NTM: variants seen among roughly 807,000 people sequenced by gnomAD.
The protein encoded by NTM is neurotrimin, also known as IgLON family member 2.
Under a neutral mutation model 42.1 loss-of-function variants are expected in NTM, and 13 were observed. That is an observed-to-expected ratio of 0.31 (90% CI 0.20 to 0.49). The LOEUF is 0.49. Ranked by LOEUF, NTM falls within the 20% of genes least tolerant of loss-of-function variation. The pLI is 0.99. For synonymous variants in NTM, 187 were observed against 179.2 expected, an observed-to-expected ratio of 1.04 and a Z score of -0.35; for missense variants, 373 against 452.8, an observed-to-expected ratio of 0.82 and a Z score of 1.60.
At chr11:132,107,613 C>A (rs899363239) in intron 2 of NTM, among the ~76,000 whole-genome samples, 1 of 151,872 alleles carries the variant, frequency 6.6e-6, no homozygotes, top group Admixed American at 6.6e-5. Context: ...CAAGTGATCC[C>A]CCTGCCTTGG....
intron 1 of NTM, among the ~76,000 whole-genome samples, chr11:131,533,111 C>T (rs1365663155): frequency 6.6e-6 from 1 of 152,058 alleles, no homozygotes; most frequent in Non-Finnish European, 1.5e-5. Flanking sequence ...TGTTCTTGTT[C>T]TTATACATTT....
At chr11:131,804,704 G>C (rs1272809407) in intron 1 of NTM, among the ~76,000 whole-genome samples, 1 of 152,124 alleles carries the variant, frequency 6.6e-6, no homozygotes, top group African/African-American at 2.4e-5. Flanking sequence ...CGCATACTAT[G>C]TCTCTATTGC....
intron 1 of NTM, among the ~76,000 whole-genome samples, chr11:131,412,535 C>T (rs185096485): frequency 4.6e-5 from 7 of 152,140 alleles, no homozygotes; most frequent in African/African-American, 1.4e-4. Flanking sequence ...AACTGTCCTC[C>T]TCTCTCCTCC....
At position 131,680,887 on chromosome 11, in the gene NTM, G is replaced by A. The variant is rs151291984; in HGVS notation, c.83-230677G>A. On this transcript the variant is annotated intron_variant, in intron 1 of 8. Coordinates refer to ENST00000683400, the MANE Select transcript of NTM (RefSeq NM_001352005.2). Reference sequence around the variant, plus strand: ...CGTGTGTGTTTCTGTGTCTGTGTGTGTGTCTCCCTGTGTGTGTGAGCATGT... The same window carrying A: ...CGTGTGTGTTTCTGTGTCTGTGTGTATGTCTCCCTGTGTGTGTGAGCATGT... Among the ~76,000 whole-genome samples, 85 of 10,776 alleles carry A rather than the reference G, an allele frequency of 7.9e-3. 4 individuals carry two copies. Among genetic ancestry groups the A allele is most frequent in the African/African-American group, 0.041 (79 of 1,932 alleles). 7.1% of individuals were successfully genotyped at this position (10,776 alleles called of 152,430 possible).
At chr11:131,868,969 G>T (rs764035042) in intron 1 of NTM, among the ~76,000 whole-genome samples, 9 of 152,112 alleles carry the variant, frequency 5.9e-5, no homozygotes, top group Non-Finnish European at 1.3e-4. Context: ...GTGGGCAAAT[G>T]AATACAAGTA....
At chr11:132,282,131 T>C (rs2093992916) in intron 4 of NTM, among the ~76,000 whole-genome samples, 1 of 152,210 alleles carries the variant, frequency 6.6e-6, no homozygotes, top group South Asian at 2.1e-4. Context: ...TATTGACATC[T>C]GCTGAAGTCA....
intron 1 of NTM, among the ~76,000 whole-genome samples, chr11:131,613,604 G>A (rs1048441797): frequency 5.9e-5 from 9 of 152,136 alleles, no homozygotes; most frequent in African/African-American, 9.7e-5. Flanking sequence ...ATTTTAAAAT[G>A]TGACTAATTC....
intron 1 of NTM, among the ~76,000 whole-genome samples, chr11:131,711,736 G>C (rs977037867): frequency 6.6e-6 from 1 of 151,830 alleles, no homozygotes; most frequent in Non-Finnish European, 1.5e-5. Context: ...CAACCCAAAT[G>C]TCCAACAATG....
chr11:132,100,336 G>A (rs1347875773), intron 2 of NTM, among the ~76,000 whole-genome samples: 1 of 152,122 alleles, frequency 6.6e-6, no homozygotes, highest in African/African-American at 2.4e-5. Flanking sequence ...CCCAGATCAG[G>A]GATTGATTTG....
chr11:131,840,719 G>T (rs1452468331), intron 1 of NTM, among the ~76,000 whole-genome samples: 1 of 152,214 alleles, frequency 6.6e-6, no homozygotes, highest in African/African-American at 2.4e-5. Context: ...CCCCAGAAGA[G>T]GATGTGAAAC....
intron 1 of NTM, among the ~76,000 whole-genome samples, chr11:131,676,099 C>G (rs936900818): frequency 6.6e-6 from 1 of 152,156 alleles, no homozygotes; most frequent in East Asian, 1.9e-4. Flanking sequence ...GAGACTTGAA[C>G]CTGAACCCTT....
chr11:131,875,809 C>T (rs1485585408), intron 1 of NTM, among the ~76,000 whole-genome samples: 1 of 152,146 alleles, frequency 6.6e-6, no homozygotes, highest in African/African-American at 2.4e-5. Flanking sequence ...CTCTTTCCCA[C>T]TCATGTCTTT....
chr11:131,991,811 A>G (rs553461454), intron 2 of NTM, among the ~76,000 whole-genome samples: 103 of 152,344 alleles, frequency 6.8e-4, no homozygotes, highest in Non-Finnish European at 1.3e-3. Flanking sequence ...GCAGGCAAGA[A>G]ACAGCAGGTC....
At chr11:132,034,347 C>T (rs1329688775) in intron 2 of NTM, among the ~76,000 whole-genome samples, 1 of 152,194 alleles carries the variant, frequency 6.6e-6, no homozygotes, top group Non-Finnish European at 1.5e-5. Context: ...GATTGCCTCA[C>T]CACGATTTGC....
intron 2 of NTM, among the ~76,000 whole-genome samples, chr11:131,954,496 G>A (rs923158735): frequency 2.0e-4 from 31 of 152,162 alleles, no homozygotes; most frequent in African/African-American, 7.2e-4. Context: ...GTTCCTCAGG[G>A]CTCCCGATGA....
chr11:131,756,888 T>C (rs1228410843), intron 1 of NTM, among the ~76,000 whole-genome samples: 2 of 152,212 alleles, frequency 1.3e-5, no homozygotes, highest in South Asian at 2.1e-4. Flanking sequence ...TTGTCTGCTA[T>C]GCAGTTGACC....
chr11:132,315,110 A>G, intron 7 of NTM: 1 of 991,530 alleles, frequency 1.0e-6, no homozygotes, highest in Non-Finnish European at 1.2e-6. Flanking sequence ...GATGGCTCCT[A>G]AGCTGACTGT....
intron 1 of NTM, among the ~76,000 whole-genome samples, chr11:131,407,108 TCCCAGAGCCAGACCAA>T (rs1945886082): frequency 1.1e-4 from 16 of 152,310 alleles, no homozygotes; most frequent in African/African-American, 3.6e-4. Flanking sequence ...ATTTTCTTGG[TCCCAGAGCCAGACCAA>T]CTAACTCCAC....
intron 4 of NTM, among the ~76,000 whole-genome samples, chr11:132,229,481 A>G (rs532955104): frequency 3.0e-4 from 46 of 152,338 alleles, no homozygotes; most frequent in African/African-American, 1.0e-3. Flanking sequence ...TTTGGCTAGA[A>G]TCCATATAGT....
Sources: allele counts gnomAD v4.1 joint callset (sites outside exome capture counted in the v4.1 genomes callset), GRCh38; gene constraint gnomAD v4.1.1; transcripts MANE v1.5; gene names NCBI Gene and HGNC (gene_info 2026-07-23, HGNC 2026-07-21).